The following CDK8 variants were observed in gnomAD, a reference collection of about 807,000 sequenced individuals.
CDK8 encodes the protein cyclin-dependent kinase 8.
Under a neutral mutation model 71.5 loss-of-function variants are expected in CDK8, and 29 were observed. That is an observed-to-expected ratio of 0.41 (90% CI 0.30 to 0.55). CDK8 has a LOEUF of 0.55. Among genes scored for constraint, CDK8 ranks in the 20% least tolerant of loss-of-function variants. The pLI is 0.37. For synonymous variants in CDK8, 161 were observed against 192.1 expected, an observed-to-expected ratio of 0.84 and a Z score of 1.34; for missense variants, 288 against 572.6, an observed-to-expected ratio of 0.50 and a Z score of 5.07.
chr13:26,374,976 C>A (rs909439761), intron 4 of CDK8, among the ~76,000 whole-genome samples: 9 of 151,570 alleles, frequency 5.9e-5, no homozygotes, highest in African/African-American at 2.2e-4. Flanking sequence ...AATTTAAGGA[C>A]CTAGGAACAA....
intron 4 of CDK8, among the ~76,000 whole-genome samples, chr13:26,367,749 T>G (rs918697740): frequency 6.6e-6 from 1 of 152,200 alleles, no homozygotes; most frequent in Non-Finnish European, 1.5e-5. Context: ...GCTTACTGAA[T>G]GAATAAGTAG....
At chr13:26,283,977 C>T (rs1566471105) in intron 1 of CDK8, among the ~76,000 whole-genome samples, 1 of 151,266 alleles carries the variant, frequency 6.6e-6, no homozygotes, top group Non-Finnish European at 1.5e-5. Context: ...TGGAAATCAA[C>T]TCCAAAAGGA....
At chr13:26,306,507 C>T (rs894833096) in intron 1 of CDK8, among the ~76,000 whole-genome samples, 5 of 151,508 alleles carry the variant, frequency 3.3e-5, no homozygotes, top group Non-Finnish European at 4.4e-5. Context: ...AATCCTTTTT[C>T]TTTCTTTTTA....
rs1167191449 is a variant in CDK8, at chr13:26,404,131, C to G, written c.*50C>G. 6.2e-7 allele frequency: 1 copy of G among 1,601,724 alleles called. No homozygotes were observed. Among genetic ancestry groups the G allele is most frequent in the Admixed American group, 1.7e-5 (1 of 59,380 alleles). On this transcript the variant is annotated 3_prime_UTR_variant, in exon 13 of 13. Coordinates refer to ENST00000381527, the MANE Select transcript of CDK8 (RefSeq NM_001260.3). ...ACTGTTGCGAATGCTGCAGGGCTGA[C>G]TGTGCAGCTCTCTGCGGGAACCTGG...
At chr13:26,269,907 T>C (rs1325690927) in intron 1 of CDK8, among the ~76,000 whole-genome samples, 1 of 152,136 alleles carries the variant, frequency 6.6e-6, no homozygotes, top group Non-Finnish European at 1.5e-5. Context: ...AACTTGATAG[T>C]TAAGTGTTTA....
chr13:26,368,363 A>G (rs1352825901), intron 4 of CDK8, among the ~76,000 whole-genome samples: 3 of 152,206 alleles, frequency 2.0e-5, no homozygotes, highest in African/African-American at 4.8e-5. Flanking sequence ...TCATTCCCCT[A>G]TTTAAAATTC....
chr13:26,332,109 T>C (rs1363913308), intron 1 of CDK8, among the ~76,000 whole-genome samples: 1 of 152,216 alleles, frequency 6.6e-6, no homozygotes, highest in Non-Finnish European at 1.5e-5. Flanking sequence ...CTTTCTTGGT[T>C]GGATCATTTT....
In CDK8 at chr13:26,393,398, A is replaced by G. The variant is rs1565997890; in HGVS notation, c.678A>G (p.Glu226=). 1 of 1,610,958 alleles carries G rather than the reference A, an allele frequency of 6.2e-7. No individual in the cohort carries two copies. The highest frequency in any genetic ancestry group is 8.5e-7 in the Non-Finnish European group (1 of 1,178,062). Residue 226 remains glutamate (E), a synonymous_variant, in exon 7 of 13, where the codon GAA becomes GAG. Transcript: ENST00000381527. ...GGGCTATAGGGTGTATATTTGCAGA[A>G]CTACTAACGTCAGAACCAATATTTC... ...DIWAIGCIFA[E]LLTSEPIFHC...
At chr13:26,285,520 C>T (rs1174681198) in intron 1 of CDK8, among the ~76,000 whole-genome samples, 1 of 152,168 alleles carries the variant, frequency 6.6e-6, no homozygotes, top group African/African-American at 2.4e-5. Flanking sequence ...CTGTGACAAA[C>T]CCACAGCCAA....
chr13:26,259,751 T>A (rs1285179663), intron 1 of CDK8, among the ~76,000 whole-genome samples: 2 of 152,230 alleles, frequency 1.3e-5, no homozygotes, highest in Non-Finnish European at 2.9e-5. Flanking sequence ...ACTTTTACTG[T>A]GTCTTTGAAC....
At chr13:26,384,232 T>C (rs542064360) in intron 5 of CDK8, among the ~76,000 whole-genome samples, 1 of 145,588 alleles carries the variant, frequency 6.9e-6, no homozygotes, top group African/African-American at 2.4e-5. Context: ...TTTTAATTAT[T>C]TGCCAACTTT....
intron 1 of CDK8, among the ~76,000 whole-genome samples, chr13:26,309,487 G>A (rs1273932816): frequency 6.6e-6 from 1 of 151,926 alleles, no homozygotes; most frequent in East Asian, 1.9e-4. Context: ...TCTTCTTTTA[G>A]CTTTTGAATT....
intron 1 of CDK8, among the ~76,000 whole-genome samples, chr13:26,281,422 C>T (rs1872739816): frequency 6.6e-6 from 1 of 152,194 alleles, no homozygotes; most frequent in African/African-American, 2.4e-5. Flanking sequence ...GAAGCCCCAT[C>T]CCTAACGGGG....
At chr13:26,335,277 C>G (rs913953103) in intron 1 of CDK8, among the ~76,000 whole-genome samples, 5 of 152,204 alleles carry the variant, frequency 3.3e-5, no homozygotes, top group Non-Finnish European at 7.3e-5. Flanking sequence ...ACTCCACTAT[C>G]CATTGTTGAC....
Position 26,404,031 on chromosome 13 carries a change from G to C in CDK8, c.1345G>C (p.Ala449Pro), listed in dbSNP as rs1423752121. Residue 449 changes from alanine (A) to proline (P), a missense_variant, in exon 13 of 13, where the codon GCT becomes CCT. This residue lies in a region of CDK8 where 76 missense variants were observed against 99.7 expected (regional missense o/e 0.76). Transcript: ENST00000381527. ...GCCGCAGAGCAGCATGGGATACTCA[G>C]CTACCTCCCAGCAGCCTCCACAGTA... ...SQPQSSMGYS[A>P]TSQQPPQYSH... The C allele has an allele frequency of 6.2e-7, 1 of 1,614,010 alleles. No individual in the cohort carries two copies. The highest frequency in any genetic ancestry group is 1.7e-5 in the Admixed American group (1 of 60,020).
chr13:26,320,571 A>G (rs1028648282), intron 1 of CDK8, among the ~76,000 whole-genome samples: 1 of 152,190 alleles, frequency 6.6e-6, no homozygotes, highest in Non-Finnish European at 1.5e-5. Context: ...AAAAGACACT[A>G]TCAACACAGT....
At chr13:26,315,790 A>G (rs530313679) in intron 1 of CDK8, among the ~76,000 whole-genome samples, 1 of 152,328 alleles carries the variant, frequency 6.6e-6, no homozygotes, top group Admixed American at 6.5e-5. Context: ...TTATTACTAA[A>G]AAAATGCCAT....
At chr13:26,315,461 CAT>C (rs976542574) in intron 1 of CDK8, among the ~76,000 whole-genome samples, 1 of 152,070 alleles carries the variant, frequency 6.6e-6, no homozygotes, top group African/African-American at 2.4e-5. Context: ...TGTGTATACA[CAT>C]GTATTAATGA....
At chr13:26,399,047 G>A (rs1044196738) in intron 9 of CDK8, among the ~76,000 whole-genome samples, 1 of 150,988 alleles carries the variant, frequency 6.6e-6, no homozygotes, top group Non-Finnish European at 1.5e-5. Context: ...GTTTCATTGT[G>A]TCACCAGGCT....
Sources: gnomAD v4.1 joint callset for allele counts (sites outside exome capture counted in the v4.1 genomes callset) on GRCh38, gnomAD v4.1.1 for gene constraint, gnomAD v4.1.1 regional missense constraint, MANE v1.5 for transcripts, NCBI Gene and HGNC (gene_info 2026-07-23, HGNC 2026-07-21) for gene names.